Variants in CCSER1 observed in about 807,000 individuals in gnomAD.
CCSER1 encodes serine-rich coiled-coil domain-containing protein 1.
CCSER1 carries 41 observed loss-of-function variants against 82.0 expected under a neutral mutation model. The ratio of observed to expected loss-of-function variants is 0.50; its 90% confidence interval spans 0.39 to 0.65. The LOEUF is 0.65. CCSER1 is among the 30% of genes least tolerant of loss of function. The probability of loss-of-function intolerance (pLI) is 0.00; values close to 1 mark genes in which losing one functional copy is unlikely to be tolerated. For missense variants in CCSER1, 1,119 were observed against 1,064.2 expected (o/e 1.05, Z -0.72); for synonymous variants, 414 against 383.9 (o/e 1.08, Z -0.92).
At chr4:90,400,163 C>T (rs28572332) in intron 4 of CCSER1, 34 bp downstream of exon 4, 61,579 of 1,188,960 alleles carry the variant, frequency 0.052, 2,065 homozygotes, top group African/African-American at 0.14. Context: ...TATCATACAA[C>T]TCCTACCCTG....
chr4:90,433,036 G>A (rs1758512571), intron 4 of CCSER1, among the ~76,000 whole-genome samples: 2 of 151,938 alleles, frequency 1.3e-5, no homozygotes, highest in African/African-American at 4.8e-5. Flanking sequence ...GCTTTAAGTG[G>A]TGGTAAATCA....
chr4:90,313,333 T>C (rs1347097447), intron 3 of CCSER1, among the ~76,000 whole-genome samples: 1 of 152,154 alleles, frequency 6.6e-6, no homozygotes, highest in African/African-American at 2.4e-5. Flanking sequence ...CTAGGGAAAA[T>C]GCTGAACATG....
chr4:91,181,683 TTAA>T (rs1734044394), intron 10 of CCSER1, among the ~76,000 whole-genome samples: 1 of 152,156 alleles, frequency 6.6e-6, no homozygotes, highest in Non-Finnish European at 1.5e-5. Flanking sequence ...AGGGGACCAA[TTAA>T]TAATGATTCC....
At chr4:90,620,815 CT>C (rs1722177395) in intron 5 of CCSER1, among the ~76,000 whole-genome samples, 1 of 151,980 alleles carries the variant, frequency 6.6e-6, no homozygotes, top group Non-Finnish European at 1.5e-5. Flanking sequence ...TTCTTTCTTT[CT>C]TTTATTTTTT....
chr4:90,521,694 T>TTTTC (rs1015662367), intron 5 of CCSER1, among the ~76,000 whole-genome samples: 7 of 152,072 alleles, frequency 4.6e-5, no homozygotes, highest in Admixed American at 4.6e-4. Context: ...CTGAGCATTC[T>TTTTC]TTTCTTTCTT....
At chr4:91,015,533 A>G (rs1177846019) in intron 9 of CCSER1, 1 of 151,936 alleles carries the variant, frequency 6.6e-6, no homozygotes, top group Non-Finnish European at 1.5e-5. Context: ...CTTTAGTGTA[A>G]GTTATATTTT....
At chr4:90,633,144 C>G (rs557364551) in intron 6 of CCSER1, among the ~76,000 whole-genome samples, 1 of 152,086 alleles carries the variant, frequency 6.6e-6, no homozygotes, top group East Asian at 1.9e-4. Flanking sequence ...TCTTCTCAAC[C>G]TGGAAGGTAT....
intron 10 of CCSER1, among the ~76,000 whole-genome samples, chr4:91,194,387 T>G (rs1325334713): frequency 6.6e-6 from 1 of 152,180 alleles, no homozygotes; most frequent in Admixed American, 6.5e-5. Context: ...TAAGCCAAAA[T>G]ATAATTCTAG....
chr4:90,898,435 G>T (rs1426128320), intron 8 of CCSER1, among the ~76,000 whole-genome samples: 1 of 149,442 alleles, frequency 6.7e-6, no homozygotes, highest in African/African-American at 2.5e-5. Flanking sequence ...CTGACACCAT[G>T]CCTGGCTAAT....
intron 6 of CCSER1, among the ~76,000 whole-genome samples, chr4:90,656,802 A>G (rs1244707922): frequency 1.3e-5 from 2 of 151,952 alleles, no homozygotes; most frequent in Non-Finnish European, 2.9e-5. Flanking sequence ...ATGCAATTTA[A>G]ATAAACTATT....
At chr4:91,372,808 T>G (rs191963111) in intron 10 of CCSER1, among the ~76,000 whole-genome samples, 94 of 152,250 alleles carry the variant, frequency 6.2e-4, no homozygotes, top group African/African-American at 2.2e-3. Flanking sequence ...TTTGGACCAT[T>G]AAACTCTGAG....
intron 10 of CCSER1, among the ~76,000 whole-genome samples, chr4:91,572,702 C>A (rs752417132): frequency 1.3e-5 from 2 of 151,684 alleles, no homozygotes; most frequent in Non-Finnish European, 2.9e-5. Context: ...TGGCTTATAT[C>A]TGTAATCCCA....
Position 90,309,296 on chromosome 4 carries a change from C to T in CCSER1, c.1012C>T (p.Pro338Ser). ...ATGTAGCACTGAATCTAATTCATTA[C>T]CGGAAACCTCTGCTGCTAATCAGAA... ...GQCSTESNSL[P>S]ETSAANQKEV... The change falls in exon 2 of 11, where the codon CCG becomes TCG. Residue 338 changes from proline (P) to serine (S), a missense_variant. Coordinates refer to ENST00000509176, the MANE Select transcript of CCSER1 (RefSeq NM_001145065.2). 6.2e-7 allele frequency: 1 copy of T among 1,613,776 alleles called. No homozygotes were observed. Among genetic ancestry groups the T allele is most frequent in the Non-Finnish European group, 8.5e-7 (1 of 1,179,784 alleles).
At chr4:90,373,902 G>A (rs1747878489) in intron 3 of CCSER1, among the ~76,000 whole-genome samples, 1 of 152,132 alleles carries the variant, frequency 6.6e-6, no homozygotes, top group South Asian at 2.1e-4. Context: ...GCAAACCACT[G>A]CATGTACAGA....
chr4:90,933,940 A>C (rs1439498056), intron 9 of CCSER1, among the ~76,000 whole-genome samples: 1 of 151,828 alleles, frequency 6.6e-6, no homozygotes, highest in Non-Finnish European at 1.5e-5. Flanking sequence ...TCTCCTACTA[A>C]ATAATAACAA....
chr4:90,585,954 CT>C (rs1382836357), intron 5 of CCSER1, among the ~76,000 whole-genome samples: 6 of 152,130 alleles, frequency 3.9e-5, no homozygotes, highest in African/African-American at 1.4e-4. Flanking sequence ...ATTATCCTAA[CT>C]TACAACTGAA....
In CCSER1 at chr4:91,602,438, T is replaced by G. The variant is rs1034180536; in HGVS notation, c.*3381T>G. Reference sequence around the variant, plus strand: ...CCCAGGATAAATGATTACATTCCACTAGCCCTCTCAAAAACTTTCTTGGCA... The same window carrying G: ...CCCAGGATAAATGATTACATTCCACGAGCCCTCTCAAAAACTTTCTTGGCA... On this transcript the variant is annotated 3_prime_UTR_variant, in exon 11 of 11. Coordinates refer to ENST00000509176, the MANE Select transcript of CCSER1 (RefSeq NM_001145065.2). 2.0e-5 allele frequency among the ~76,000 whole-genome samples: 3 copies of G among 152,022 alleles called. No individual in the cohort carries two copies. The highest frequency in any genetic ancestry group is 2.0e-4 in the Admixed American group (3 of 15,236).
intron 3 of CCSER1, among the ~76,000 whole-genome samples, chr4:90,373,645 A>G (rs1747826120): frequency 6.6e-6 from 1 of 152,180 alleles, no homozygotes; most frequent in Non-Finnish European, 1.5e-5. Context: ...AAAATGATAC[A>G]ACTGATGCAT....
At chr4:90,551,067 T>C (rs1280430891) in intron 5 of CCSER1, among the ~76,000 whole-genome samples, 2 of 152,162 alleles carry the variant, frequency 1.3e-5, no homozygotes, top group Admixed American at 6.5e-5. Context: ...GAAGTGCATG[T>C]GGTGTTTCAG....
Sources: allele counts gnomAD v4.1 joint callset (sites outside exome capture counted in the v4.1 genomes callset), GRCh38; gene constraint gnomAD v4.1.1; transcripts MANE v1.5; gene names NCBI Gene and HGNC (gene_info 2026-07-23, HGNC 2026-07-21).